Variants in LIFR observed in about 807,000 individuals in gnomAD.
The protein encoded by LIFR is LIF receptor subunit alpha.
A neutral mutation model predicts 122.2 loss-of-function variants in LIFR; 84 were observed. That is an observed-to-expected ratio of 0.69 (90% confidence interval 0.58 to 0.82). The LOEUF is 0.82. Among genes scored for constraint, LIFR ranks in the 40% least tolerant of loss-of-function variants. LIFR has a pLI of 0.00. For missense variants in LIFR, 1,294 were observed against 1,311.6 expected, an observed-to-expected ratio of 0.99 and a Z score of 0.21; for synonymous variants, 422 against 434.7, an observed-to-expected ratio of 0.97 and a Z score of 0.36.
chr5:38,510,779 T>C, intron 6 of LIFR, 61 bp from the exon 7 acceptor site: 3 of 1,428,844 alleles, frequency 2.1e-6, no homozygotes, highest in Non-Finnish European at 2.9e-6. Context: ...TAAACTTTTC[T>C]GCATTTTAAG....
intron 1 of LIFR, among the ~76,000 whole-genome samples, chr5:38,548,913 T>G (rs971341285): frequency 5.9e-5 from 9 of 152,142 alleles, no homozygotes; most frequent in African/African-American, 2.2e-4. Flanking sequence ...AATTCTGTAT[T>G]AAGAATAGAA....
upstream of LIFR, among the ~76,000 whole-genome samples, chr5:38,561,561 T>G (rs1253847772): frequency 6.6e-6 from 1 of 152,200 alleles, no homozygotes; most frequent in East Asian, 1.9e-4. Context: ...TTTCCTCCCC[T>G]CTTAGAAGTT....
chr5:38,608,040 C>G (rs1306364029), intron 1 of LIFR: 1 of 152,200 alleles, frequency 6.6e-6, no homozygotes, highest in South Asian at 2.1e-4. Flanking sequence ...AAAATATATA[C>G]ACGTGAGATC....
intron 1 of LIFR, among the ~76,000 whole-genome samples, chr5:38,544,303 C>A (rs10941398): frequency 0.51 from 78,162 of 151,862 alleles, 21,976 homozygotes; most frequent in African/African-American, 0.74. Flanking sequence ...GTGGATTCTC[C>A]TTATAAGCAC....
chr5:38,488,651 C>T (rs757356972), intron 16 of LIFR, among the ~76,000 whole-genome samples: 5 of 152,206 alleles, frequency 3.3e-5, no homozygotes, highest in East Asian at 1.9e-4. Flanking sequence ...ATGGCTAAGA[C>T]GCTAATAGGC....
At chr5:38,581,715 A>C (rs1007337802) in intron 1 of LIFR, among the ~76,000 whole-genome samples, 3 of 152,228 alleles carry the variant, frequency 2.0e-5, no homozygotes, top group Non-Finnish European at 4.4e-5. Flanking sequence ...AATTTTGCTC[A>C]TAAGTGACAC....
intron 11 of LIFR, among the ~76,000 whole-genome samples, chr5:38,500,631 T>C (rs763382746): frequency 2.6e-5 from 4 of 152,226 alleles, no homozygotes; most frequent in Non-Finnish European, 4.4e-5. Context: ...ATTACGTATG[T>C]TCAATCTGTA....
intron 5 of LIFR, among the ~76,000 whole-genome samples, chr5:38,514,907 G>C (rs189956338): frequency 4.5e-4 from 69 of 152,284 alleles, no homozygotes; most frequent in African/African-American, 1.6e-3. Context: ...ACGCTACCGA[G>C]CATCTTTGAA....
At chr5:38,538,852 G>C (rs1339389981) in intron 1 of LIFR, among the ~76,000 whole-genome samples, 1 of 152,148 alleles carries the variant, frequency 6.6e-6, no homozygotes, top group Non-Finnish European at 1.5e-5. Context: ...ATATCAGAAG[G>C]CTGGCCCACC....
intron 7 of LIFR, among the ~76,000 whole-genome samples, chr5:38,508,495 C>G (rs1032854457): frequency 2.0e-5 from 3 of 152,062 alleles, no homozygotes; most frequent in African/African-American, 7.2e-5. Context: ...CCAATCAAAA[C>G]GCCAGCAGGT....
At chr5:38,502,891 T>C in intron 10 of LIFR, 92 bp from the exon 11 acceptor site, 2 of 673,560 alleles carry the variant, frequency 3.0e-6, no homozygotes, top group East Asian at 6.5e-5. Flanking sequence ...TTTTTTTTGG[T>C]AAGAAAGCCT....
At chr5:38,571,838 T>A (rs1749224202) in intron 1 of LIFR, among the ~76,000 whole-genome samples, 2 of 152,190 alleles carry the variant, frequency 1.3e-5, no homozygotes, top group South Asian at 4.1e-4. Context: ...CATGAACCTC[T>A]AAGAGAGGCC....
intron 17 of LIFR, chr5:38,485,613 C>T: frequency 1.6e-6 from 1 of 609,554 alleles, no homozygotes; most frequent in Non-Finnish European, 2.9e-6. Flanking sequence ...CTTAGGTACT[C>T]ATTTGGAAAT....
rs62353655 is a variant in LIFR, at chr5:38,493,464, G to A, written c.2065+142C>T. The stretch of plus-strand genomic sequence containing the variant: ...AAGGGTTTGGATCCTTCCATGTGCT[G>A]CCACAACTACCCTCCCAGGAAAGTC... On this transcript the variant is annotated intron_variant, in intron 14 of 19. Transcript: ENST00000453190. The A allele has an allele frequency of 0.045, 33,498 of 745,242 alleles. 950 individuals carry two copies. Among genetic ancestry groups the A allele is most frequent in the Middle Eastern group, 0.076 (239 of 3,136 alleles). The allele number at this position is 745,242 out of a possible 1,614,324, so 46.2% of individuals were successfully genotyped here.
At chr5:38,594,872 G>C (rs959777459) in intron 1 of LIFR, 5 of 201,006 alleles carry the variant, frequency 2.5e-5, no homozygotes, top group Admixed American at 1.2e-4. Flanking sequence ...ATTCATCTTG[G>C]TGAGCAGTGT....
At chr5:38,582,705 G>A (rs1476020362) in intron 1 of LIFR, among the ~76,000 whole-genome samples, 2 of 152,126 alleles carry the variant, frequency 1.3e-5, no homozygotes, top group Non-Finnish European at 2.9e-5. Flanking sequence ...TAGGTTTTCA[G>A]TGTTACCTCC....
At chr5:38,583,691 A>G (rs1162951598) in intron 1 of LIFR, among the ~76,000 whole-genome samples, 3 of 152,198 alleles carry the variant, frequency 2.0e-5, no homozygotes, top group Non-Finnish European at 4.4e-5. Flanking sequence ...ATCAACAGGT[A>G]TATGAAAAGG....
At chr5:38,532,178 G>A (rs1374880144) in intron 1 of LIFR, among the ~76,000 whole-genome samples, 2 of 152,080 alleles carry the variant, frequency 1.3e-5, no homozygotes, top group African/African-American at 4.8e-5. Flanking sequence ...CTCACTACAA[G>A]TTTCGATTAT....
intron 1 of LIFR, among the ~76,000 whole-genome samples, chr5:38,552,644 GT>G (rs1748264653): frequency 6.6e-6 from 1 of 152,118 alleles, no homozygotes; most frequent in Admixed American, 6.5e-5. Context: ...TACTGAAAAG[GT>G]TTGTTTTTAA....
Sources: allele counts gnomAD v4.1 joint callset (sites outside exome capture counted in the v4.1 genomes callset), GRCh38; gene constraint gnomAD v4.1.1; transcripts MANE v1.5; gene names NCBI Gene and HGNC (gene_info 2026-07-23, HGNC 2026-07-21).